FAM168B: variants seen among roughly 807,000 people sequenced by gnomAD.
FAM168B encodes the protein family with sequence similarity 168 member B.
FAM168B carries 19 observed loss-of-function variants against 21.8 expected under a neutral mutation model. That is an observed-to-expected ratio of 0.87 (90% CI 0.61 to 1.28). FAM168B has a LOEUF of 1.28. Ranked by LOEUF, FAM168B falls within the 50% of genes most tolerant of loss-of-function variation. The pLI is 0.00. For missense variants in FAM168B, 233 were observed against 263.1 expected (o/e 0.89, Z 0.79); for synonymous variants, 126 against 104.8 (o/e 1.20, Z -1.24).
In FAM168B at chr2:131,055,698, G is replaced by A; in HGVS notation, c.155-3C>T. On this transcript the variant is annotated splice_polypyrimidine_tract_variant and splice_region_variant and intron_variant, in intron 3 of 6. Coordinates refer to ENST00000389915, the MANE Select transcript of FAM168B (RefSeq NM_001009993.4). ...GTAAGGTGTGCCAGGAGTGTAACCT[G>A]GAACAAAGAAGGCAATGGCCTGAGT... 1 of 1,613,464 alleles carries A rather than the reference G, an allele frequency of 6.2e-7. No homozygotes were observed. Among genetic ancestry groups the A allele is most frequent in the East Asian group, 2.2e-5 (1 of 44,850 alleles).
Position 131,051,608 on chromosome 2 carries a change from A to G in FAM168B, c.*857T>C, listed in dbSNP as rs1477786520. ...GGAAAATAATTTAGTTTTACATAGGACTTTTCCAATAAAGACATATAAAAA... is the reference window on the plus strand; with the variant it reads ...GGAAAATAATTTAGTTTTACATAGGGCTTTTCCAATAAAGACATATAAAAA... On this transcript the variant is annotated 3_prime_UTR_variant, in exon 7 of 7. Coordinates refer to ENST00000389915, the MANE Select transcript of FAM168B (RefSeq NM_001009993.4). 1.8e-5 allele frequency: 18 copies of G among 985,196 alleles called. No homozygotes were observed. Among genetic ancestry groups the G allele is most frequent in the Non-Finnish European group, 2.2e-5 (18 of 829,910 alleles). 61.0% of individuals were successfully genotyped at this position (985,196 alleles called of 1,614,324 possible).
At chr2:131,066,748 G>C (rs1054195494) in intron 3 of FAM168B, among the ~76,000 whole-genome samples, 1 of 152,188 alleles carries the variant, frequency 6.6e-6, no homozygotes, top group East Asian at 1.9e-4. Flanking sequence ...CAAGGGTGAA[G>C]TTAAACAACT....
At chr2:131,080,022 C>G (rs1462726099) in intron 2 of FAM168B, among the ~76,000 whole-genome samples, 1 of 151,740 alleles carries the variant, frequency 6.6e-6, no homozygotes, top group Non-Finnish European at 1.5e-5. Context: ...GAGGCTGAGG[C>G]AGGAGAATCA....
chr2:131,058,156 T>C (rs1692118075), intron 3 of FAM168B, among the ~76,000 whole-genome samples: 1 of 152,158 alleles, frequency 6.6e-6, no homozygotes, highest in African/African-American at 2.4e-5. Flanking sequence ...TATTTTGTTT[T>C]AATTTGAAAG....
intron 3 of FAM168B, among the ~76,000 whole-genome samples, chr2:131,064,271 T>A (rs1055189699): frequency 6.6e-6 from 1 of 152,194 alleles, no homozygotes; most frequent in Non-Finnish European, 1.5e-5. Context: ...CCACGCGGAT[T>A]TTTTTATAAT....
At chr2:131,056,490 C>T (rs1415918373) in intron 3 of FAM168B, among the ~76,000 whole-genome samples, 1 of 152,080 alleles carries the variant, frequency 6.6e-6, no homozygotes, top group Non-Finnish European at 1.5e-5. Context: ...GCCACCAACC[C>T]GTCTCCAGAA....
chr2:131,052,757 A>T, intron 6 of FAM168B, 134 bp downstream of exon 6: 1 of 1,358,546 alleles, frequency 7.4e-7, no homozygotes, highest in Non-Finnish European at 9.8e-7. Context: ...CAAAAAATTT[A>T]AACACTACAT....
intron 1 of FAM168B, among the ~76,000 whole-genome samples, chr2:131,092,332 T>C (rs1242419592): frequency 6.6e-6 from 1 of 152,134 alleles, no homozygotes; most frequent in African/African-American, 2.4e-5. Context: ...ACTGCTCAAA[T>C]CTTGGCTGTC....
At chr2:131,069,869 T>C (rs1436577822) in intron 3 of FAM168B, among the ~76,000 whole-genome samples, 2 of 151,230 alleles carry the variant, frequency 1.3e-5, no homozygotes, top group Non-Finnish European at 2.9e-5. Flanking sequence ...ACTTTTTTTT[T>C]TTTGGTTGAG....
rs372368562 is a variant in FAM168B at position 131,087,480 on chromosome 2, G to A, written c.-11-4823C>T. Reference sequence around the variant, plus strand: ...GAGCAAGACTCCGTCTCAAAAAATAGTAATAATAATAATTAAAGGGCAGCA... The same window carrying A: ...GAGCAAGACTCCGTCTCAAAAAATAATAATAATAATAATTAAAGGGCAGCA... On this transcript the variant is annotated intron_variant, in intron 1 of 6. Transcript: ENST00000389915. Among the ~76,000 whole-genome samples the A allele has an allele frequency of 3.6e-4, 55 of 152,062 alleles. No individual in the cohort carries two copies. The South Asian group carries it at 0.011, about 30-fold the overall frequency.
intron 3 of FAM168B, among the ~76,000 whole-genome samples, chr2:131,063,191 A>C (rs771010500): frequency 6.6e-6 from 1 of 152,228 alleles, no homozygotes; most frequent in African/African-American, 2.4e-5. Context: ...TTAATCGTAG[A>C]ATCTTAGCAG....
chr2:131,066,303 G>A (rs941046151), intron 3 of FAM168B, among the ~76,000 whole-genome samples: 1 of 151,824 alleles, frequency 6.6e-6, no homozygotes, highest in African/African-American at 2.4e-5. Flanking sequence ...AACCTCCCGA[G>A]TAGCTGGGAC....
Position 131,071,930 on chromosome 2 carries a change from G to C in FAM168B, c.79C>G (p.Pro27Ala). Residue 27 changes from proline to alanine, a missense_variant, in exon 3 of 7, where the codon CCC (proline) becomes GCC (alanine). Coordinates refer to ENST00000389915, the MANE Select transcript of FAM168B (RefSeq NM_001009993.4). ...AKGIGYPAGF[P>A]MGYAAAAPAY... ...GGAGCTGCTGCTGCATAGCCCATGG[G>C]AAAACCAGCTGAAGAAAAATAAAGA... 2 of 1,613,908 alleles carry C rather than the reference G, an allele frequency of 1.2e-6. No individual in the cohort carries two copies. The highest frequency in any genetic ancestry group is 1.7e-6 in the Non-Finnish European group (2 of 1,179,902).
chr2:131,065,632 A>G (rs948300647), intron 3 of FAM168B, among the ~76,000 whole-genome samples: 1 of 151,928 alleles, frequency 6.6e-6, no homozygotes, highest in Admixed American at 6.6e-5. Context: ...TCTACTAACA[A>G]TACAAAAATT....
At chr2:131,053,465 T>C (rs1219100052) in intron 5 of FAM168B, among the ~76,000 whole-genome samples, 3 of 152,162 alleles carry the variant, frequency 2.0e-5, no homozygotes, top group Admixed American at 2.0e-4. Context: ...AGAAAGAAAG[T>C]AGAACAGGGA....
chr2:131,076,773 G>A (rs1345608293), intron 2 of FAM168B, among the ~76,000 whole-genome samples: 10 of 151,860 alleles, frequency 6.6e-5, no homozygotes, highest in Admixed American at 6.6e-4. Context: ...TTTAGACAAA[G>A]GGCTAGTACA....
chr2:131,070,727 A>C (rs879575267), intron 3 of FAM168B, among the ~76,000 whole-genome samples: 3 of 152,254 alleles, frequency 2.0e-5, no homozygotes, highest in African/African-American at 2.4e-5. Context: ...CCTAACAATA[A>C]AAAGGAATGA....
intron 5 of FAM168B, among the ~76,000 whole-genome samples, chr2:131,054,068 G>C (rs1463616080): frequency 6.6e-6 from 1 of 151,776 alleles, no homozygotes; most frequent in Non-Finnish European, 1.5e-5. Flanking sequence ...TATTAGGCAG[G>C]CATGGTGGCA....
chr2:131,055,770 A>G (rs1573751410), intron 3 of FAM168B, 75 bp from the exon 4 acceptor site: 1 of 1,545,696 alleles, frequency 6.5e-7, no homozygotes, highest in Non-Finnish European at 8.7e-7. Context: ...GGCAGGGAGG[A>G]GCTAAGCTGC....
Sources: gnomAD v4.1 joint callset for allele counts (sites outside exome capture counted in the v4.1 genomes callset) on GRCh38, gnomAD v4.1.1 for gene constraint, MANE v1.5 for transcripts, NCBI Gene and HGNC (gene_info 2026-07-23, HGNC 2026-07-21) for gene names.